Variants in NUDT3 observed in about 807,000 individuals in gnomAD.
NUDT3 encodes the protein diphosphoinositol polyphosphate phosphohydrolase 1.
A neutral mutation model predicts 23.6 loss-of-function variants in NUDT3; 9 were observed. The observed-to-expected ratio is 0.38, with a 90% CI of 0.23 to 0.66. The LOEUF (loss-of-function observed/expected upper bound fraction) is 0.66. Among genes scored for constraint, NUDT3 ranks in the 30% least tolerant of loss-of-function variants. The probability of loss-of-function intolerance (pLI) is 0.52; values close to 1 mark genes in which losing one functional copy is unlikely to be tolerated. For synonymous variants in NUDT3, 86 were observed against 82.6 expected (o/e 1.04, Z -0.22); for missense variants, 172 against 218.5 (o/e 0.79, Z 1.34).
At chr6:34,309,556 A>C (rs1292393920) in intron 2 of NUDT3, among the ~76,000 whole-genome samples, 1 of 152,074 alleles carries the variant, frequency 6.6e-6, no homozygotes, top group Non-Finnish European at 1.5e-5. Context: ...GAAGTTGAGA[A>C]AGAAAATCAA....
At chr6:34,368,192 C>T (rs999965385) in intron 1 of NUDT3, among the ~76,000 whole-genome samples, 1 of 152,208 alleles carries the variant, frequency 6.6e-6, no homozygotes, top group South Asian at 2.1e-4. Context: ...CAGAGCGAGA[C>T]TACATCTCAG....
intron 1 of NUDT3, among the ~76,000 whole-genome samples, chr6:34,382,000 G>A (rs1012524991): frequency 1.4e-5 from 2 of 146,342 alleles, no homozygotes; most frequent in African/African-American, 5.1e-5. Flanking sequence ...CTGAACCCGG[G>A]AGACGGGGGT....
intron 2 of NUDT3, among the ~76,000 whole-genome samples, chr6:34,300,982 C>T (rs1049653563): frequency 6.6e-6 from 1 of 152,192 alleles, no homozygotes; most frequent in South Asian, 2.1e-4. Context: ...GCAAGTTTCT[C>T]TACTGAATTT....
intron 2 of NUDT3, among the ~76,000 whole-genome samples, chr6:34,329,735 T>C (rs921159553): frequency 6.6e-6 from 1 of 152,196 alleles, no homozygotes; most frequent in Non-Finnish European, 1.5e-5. Context: ...ATGTGCCATG[T>C]TGGTGTGCTG....
chr6:34,291,458 T>A (rs1763421223), intron 4 of NUDT3, among the ~76,000 whole-genome samples: 1 of 152,108 alleles, frequency 6.6e-6, no homozygotes, highest in African/African-American at 2.4e-5. Flanking sequence ...TATGTCAGGA[T>A]GTCAGTCTCA....
rs111555592 is a variant in NUDT3, at chr6:34,330,882, T to C, written c.210+10980A>G. Among the ~76,000 whole-genome samples, 696 of 152,044 alleles carry C rather than the reference T, an allele frequency of 4.6e-3. 4 individuals are homozygous for C. The highest frequency in any genetic ancestry group is 0.016 in the African/African-American group (662 of 41,476). ...ATAACTTCTTTTTTTTGAGATGGAG[T>C]TTCACTGTGATGCCCAGGCTGGAGT... On this transcript the variant is annotated intron_variant, in intron 2 of 4. Coordinates refer to ENST00000607016, the MANE Select transcript of NUDT3 (RefSeq NM_006703.4).
intron 2 of NUDT3, among the ~76,000 whole-genome samples, chr6:34,299,456 G>A (rs1396618789): frequency 6.6e-6 from 1 of 151,568 alleles, no homozygotes; most frequent in Non-Finnish European, 1.5e-5. Context: ...TAAGAGACAG[G>A]GTCTCACTCT....
At chr6:34,374,156 CAAAAAAAAAAAAA>C (rs397888346) in intron 1 of NUDT3, among the ~76,000 whole-genome samples, 5 of 64,718 alleles carry the variant, frequency 7.7e-5, no homozygotes, top group Non-Finnish European at 1.3e-4. Context: ...GGCTCCCTCT[CAAAAAAAAAAAAA>C]AAAAAAAAAA....
At chr6:34,351,214 A>AAAAAAAAAAAAAAAAAAAAAC (rs1764466494) in intron 1 of NUDT3, among the ~76,000 whole-genome samples, 1 of 136,264 alleles carries the variant, frequency 7.3e-6, no homozygotes, top group African/African-American at 2.8e-5. Context: ...AAAAAAAAAA[A>AAAAAAAAAAAAAAAAAAAAAC]AAAAAAAAAA....
At chr6:34,381,116 C>T (rs542596307) in intron 1 of NUDT3, among the ~76,000 whole-genome samples, 13 of 152,232 alleles carry the variant, frequency 8.5e-5, no homozygotes, top group African/African-American at 3.1e-4. Flanking sequence ...TCCCACGCTC[C>T]AGTGATCCTC....
Position 34,282,428 on chromosome 6 carries a change from C to T in NUDT3, c.*6325G>A, listed in dbSNP as rs1243141608. 1 of 152,098 alleles carries T rather than the reference C, an allele frequency of 6.6e-6. No homozygotes were observed. Among genetic ancestry groups the T allele is most frequent in the African/African-American group, 2.4e-5 (1 of 41,400 alleles). The allele number at this position is 152,098 out of a possible 1,614,324, so 9.4% of individuals were successfully genotyped here. A position where few individuals can be genotyped will look rare whatever the true frequency, so the allele number is the denominator to read the frequency against. Reference sequence around the variant, plus strand: ...CAGGGAGGGGAGTAGAATCTTATGGCCCAGCATTGGCATTGAGGCATCTTG... The same window carrying T: ...CAGGGAGGGGAGTAGAATCTTATGGTCCAGCATTGGCATTGAGGCATCTTG... On this transcript the variant is annotated 3_prime_UTR_variant, in exon 5 of 5. Transcript: ENST00000607016.
intron 2 of NUDT3, among the ~76,000 whole-genome samples, chr6:34,337,343 C>T (rs1764225297): frequency 6.6e-6 from 1 of 152,088 alleles, no homozygotes; most frequent in African/African-American, 2.4e-5. Flanking sequence ...TCATCATATC[C>T]CATACTTTAT....
intron 1 of NUDT3, among the ~76,000 whole-genome samples, chr6:34,360,557 C>G (rs1764634690): frequency 6.6e-6 from 1 of 152,042 alleles, no homozygotes; most frequent in South Asian, 2.1e-4. Context: ...GGCGACAGAG[C>G]AAGACACCAT....
chr6:34,296,320 T>A (rs1763498554), intron 2 of NUDT3, among the ~76,000 whole-genome samples: 2 of 151,576 alleles, frequency 1.3e-5, no homozygotes, highest in African/African-American at 4.9e-5. Context: ...ATGCCTGTAA[T>A]CCCAGCACTT....
chr6:34,295,436 G>A (rs528959392), intron 3 of NUDT3, among the ~76,000 whole-genome samples: 12 of 152,102 alleles, frequency 7.9e-5, no homozygotes, highest in African/African-American at 2.9e-4. Context: ...GCAGAAGACT[G>A]CTTGAGCCCA....
chr6:34,296,046 T>C lies in NUDT3; in HGVS notation c.211-361A>G, dbSNP rs180705117. On this transcript the variant is annotated intron_variant, in intron 2 of 4. Transcript: ENST00000607016. ...ACTCTGGGAGGCTGAATTGGGAGGA[T>C]CGCTTGAGGATAAGAGTTCAAGATC... is the stretch of plus-strand genomic sequence containing the variant. Among the ~76,000 whole-genome samples the C allele has an allele frequency of 1.1e-4, 16 of 152,264 alleles. No homozygotes were observed. In the East Asian group the frequency reaches 3.1e-3, roughly 29 times the overall value.
chr6:34,295,820 A>G, intron 2 of NUDT3, 135 bp from the exon 3 acceptor site: 2 of 966,624 alleles, frequency 2.1e-6, no homozygotes, highest in African/African-American at 1.7e-5. Context: ...CGATCTGTGA[A>G]GTGATACCAG....
intron 1 of NUDT3, among the ~76,000 whole-genome samples, chr6:34,386,532 G>C (rs1765109534): frequency 6.6e-6 from 1 of 152,016 alleles, no homozygotes; most frequent in Non-Finnish European, 1.5e-5. Flanking sequence ...ACCTGGATCA[G>C]AATTTCAGCC....
In NUDT3 at chr6:34,317,565, C is replaced by T. The variant is rs115399589; in HGVS notation, c.211-21880G>A. ...GTATTCAAGCTTTTCTCCCACCCCC[C>T]CAACAGTATTTTGCTCTCAGCCTTT... On this transcript the variant is annotated intron_variant, in intron 2 of 4. Coordinates refer to ENST00000607016, the MANE Select transcript of NUDT3 (RefSeq NM_006703.4). Among the ~76,000 whole-genome samples the T allele has an allele frequency of 6.3e-4, 96 of 152,258 alleles. 1 individual carries two copies. The highest frequency in any genetic ancestry group is 5.2e-3 in the South Asian group (25 of 4,824).
Sources: gnomAD v4.1 joint callset for allele counts (sites outside exome capture counted in the v4.1 genomes callset) on GRCh38, gnomAD v4.1.1 for gene constraint, MANE v1.5 for transcripts, NCBI Gene and HGNC (gene_info 2026-07-23, HGNC 2026-07-21) for gene names.